Variants in PDGFC observed in about 807,000 individuals in gnomAD.
The protein encoded by PDGFC is platelet derived growth factor C.
PDGFC carries 12 observed loss-of-function variants against 35.5 expected under a neutral mutation model. The observed-to-expected ratio is 0.34, with a 90% CI of 0.22 to 0.55. The LOEUF (loss-of-function observed/expected upper bound fraction) is 0.55. PDGFC is among the 20% of genes least tolerant of loss of function. PDGFC has a pLI of 0.91. For synonymous variants in PDGFC, 159 were observed against 148.8 expected, an observed-to-expected ratio of 1.07 and a Z score of -0.50; for missense variants, 322 against 412.4, an observed-to-expected ratio of 0.78 and a Z score of 1.90.
At chr4:156,847,705 A>G (rs1227110885) in intron 2 of PDGFC, among the ~76,000 whole-genome samples, 2 of 59,112 alleles carry the variant, frequency 3.4e-5, no homozygotes, top group Non-Finnish European at 5.7e-5. Context: ...TTAAAAGTAT[A>G]CAAAACTCTC....
chr4:156,956,188 T>A (rs571239227), intron 1 of PDGFC, among the ~76,000 whole-genome samples: 92 of 152,158 alleles, frequency 6.0e-4, no homozygotes, highest in Admixed American at 1.0e-3. Flanking sequence ...GGCAGAGCAA[T>A]ACATGGAGTT....
chr4:156,932,163 C>G (rs1216895969), intron 1 of PDGFC, among the ~76,000 whole-genome samples: 1 of 152,056 alleles, frequency 6.6e-6, no homozygotes, highest in Non-Finnish European at 1.5e-5. Flanking sequence ...ACAATTTACA[C>G]TTTTAAGGGA....
intron 2 of PDGFC, among the ~76,000 whole-genome samples, chr4:156,813,992 C>T (rs1732011874): frequency 6.6e-6 from 1 of 152,092 alleles, no homozygotes; most frequent in African/African-American, 2.4e-5. Context: ...ATAGTAAACG[C>T]TGTGTCAGTA....
intron 1 of PDGFC, among the ~76,000 whole-genome samples, chr4:156,863,407 A>G (rs776929559): frequency 6.6e-6 from 1 of 152,090 alleles, no homozygotes; most frequent in Admixed American, 6.6e-5. Flanking sequence ...ATATTTTCCT[A>G]TTGCCTCTTT....
intron 1 of PDGFC, among the ~76,000 whole-genome samples, chr4:156,949,130 CA>C (rs1233221450): frequency 6.6e-6 from 1 of 151,694 alleles, no homozygotes; most frequent in Non-Finnish European, 1.5e-5. Context: ...TGTTAAGAAC[CA>C]AAAAGAGATA....
At chr4:156,852,417 T>C (rs2111089140) in intron 1 of PDGFC, among the ~76,000 whole-genome samples, 1 of 152,336 alleles carries the variant, frequency 6.6e-6, no homozygotes, top group Non-Finnish European at 1.5e-5. Context: ...GTATTATAGC[T>C]TTCTGCCATT....
chr4:156,852,357 G>A (rs1729478392), intron 1 of PDGFC, among the ~76,000 whole-genome samples: 1 of 152,056 alleles, frequency 6.6e-6, no homozygotes. Context: ...ATGAAATGAC[G>A]ACATTTCAGA....
chr4:156,893,732 C>T (rs1348835781), intron 1 of PDGFC, among the ~76,000 whole-genome samples: 2 of 151,898 alleles, frequency 1.3e-5, no homozygotes, highest in Admixed American at 6.6e-5. Flanking sequence ...TGTTAGTATG[C>T]TTCATTGACC....
chr4:156,849,847 G>A (rs1358519148), intron 2 of PDGFC, among the ~76,000 whole-genome samples: 3 of 152,034 alleles, frequency 2.0e-5, no homozygotes, highest in African/African-American at 7.2e-5. Context: ...ATTTGGCTAT[G>A]AGGAAGGTCA....
chr4:156,766,927 ATTAG>A (rs1397187832), intron 5 of PDGFC, among the ~76,000 whole-genome samples: 3 of 152,116 alleles, frequency 2.0e-5, no homozygotes, highest in Non-Finnish European at 2.9e-5. Flanking sequence ...CATTTTATTT[ATTAG>A]TTAGATATTT....
chr4:156,772,560 A>T (rs1578999114), intron 4 of PDGFC, 126 bp downstream of exon 4: 2 of 601,304 alleles, frequency 3.3e-6, no homozygotes, highest in East Asian at 2.8e-5. Context: ...TCAAATGATA[A>T]GAAAATGTAT....
chr4:156,812,255 G>T (rs1053309408), intron 2 of PDGFC, among the ~76,000 whole-genome samples: 1 of 151,340 alleles, frequency 6.6e-6, no homozygotes, highest in Admixed American at 6.6e-5. Context: ...TGTTACATTC[G>T]CAATGAGTCG....
intron 3 of PDGFC, among the ~76,000 whole-genome samples, chr4:156,783,185 A>C (rs1000565142): frequency 6.6e-6 from 1 of 152,244 alleles, no homozygotes; most frequent in East Asian, 1.9e-4. Context: ...GACTGTGACA[A>C]AGCATTGCTA....
At chr4:156,780,497 G>A (rs894420951) in intron 3 of PDGFC, among the ~76,000 whole-genome samples, 1 of 152,162 alleles carries the variant, frequency 6.6e-6, no homozygotes, top group Admixed American at 6.5e-5. Flanking sequence ...ATCGTGGAAT[G>A]TTTTGTGGAA....
At chr4:156,924,892 A>C (rs556314452) in intron 1 of PDGFC, among the ~76,000 whole-genome samples, 289 of 152,278 alleles carry the variant, frequency 1.9e-3, no homozygotes, top group African/African-American at 6.6e-3. Context: ...GGGCAGCAAA[A>C]AAGAGGCTCA....
chr4:156,824,317 TATATATATATAC>T (rs1184022336), intron 2 of PDGFC, among the ~76,000 whole-genome samples: 6 of 92,956 alleles, frequency 6.5e-5, no homozygotes, highest in African/African-American at 1.6e-4. Flanking sequence ...TATATATATA[TATATATATATAC>T]ACACACACAC....
At chr4:156,802,628 A>G (rs186187226) in intron 3 of PDGFC, among the ~76,000 whole-genome samples, 91 of 152,076 alleles carry the variant, frequency 6.0e-4, no homozygotes, top group South Asian at 3.9e-3. Context: ...GATATATACA[A>G]TGCCAAATAT....
chr4:156,837,411 AT>A (rs1464782895), intron 2 of PDGFC, among the ~76,000 whole-genome samples: 1 of 151,734 alleles, frequency 6.6e-6, no homozygotes, highest in Non-Finnish European at 1.5e-5. Context: ...TTTGTGTTCT[AT>A]TGCCATTGCT....
rs932351100 is a variant in PDGFC, at chr4:156,962,521, G to A, written c.118+8265C>T. On this transcript the variant is annotated intron_variant, in intron 1 of 5. Transcript: ENST00000502773. ...AGGAAGGATCTGCCATCCTCTGACC[G>A]AGTTTCTCAAAGGCAGGTCTGCATC... 7.2e-5 allele frequency among the ~76,000 whole-genome samples: 11 copies of A among 152,174 alleles called. No homozygotes were observed. In the South Asian group the frequency reaches 1.0e-3, roughly 14 times the overall value.
Sources: allele counts gnomAD v4.1 joint callset (sites outside exome capture counted in the v4.1 genomes callset), GRCh38; gene constraint gnomAD v4.1.1; transcripts MANE v1.5; gene names NCBI Gene and HGNC (gene_info 2026-07-23, HGNC 2026-07-21).